The following ATF2 variants were observed in gnomAD, a reference collection of about 807,000 sequenced individuals.
ATF2 encodes cyclic AMP-dependent transcription factor ATF-2.
A neutral mutation model predicts 60.6 loss-of-function variants in ATF2; 24 were observed. That is an observed-to-expected ratio of 0.40 (90% CI 0.29 to 0.56). The LOEUF (loss-of-function observed/expected upper bound fraction) is 0.56, where lower values mean the gene tolerates loss of function less well. Among genes scored for constraint, ATF2 ranks in the 20% least tolerant of loss-of-function variants. The pLI is 0.54. For missense variants in ATF2, 433 were observed against 607.7 expected, an observed-to-expected ratio of 0.71 and a Z score of 3.02; for synonymous variants, 206 against 215.4, an observed-to-expected ratio of 0.96 and a Z score of 0.38.
At chr2:175,159,066 C>T (rs182614557) in intron 1 of ATF2, among the ~76,000 whole-genome samples, 21 of 152,100 alleles carry the variant, frequency 1.4e-4, no homozygotes, top group African/African-American at 5.1e-4. Flanking sequence ...CCCTGTAATC[C>T]CAGCACTTTG....
At chr2:175,130,961 C>T (rs1697685989) in intron 3 of ATF2, among the ~76,000 whole-genome samples, 1 of 151,990 alleles carries the variant, frequency 6.6e-6, no homozygotes, top group South Asian at 2.1e-4. Context: ...ATGCTGTTTC[C>T]TTGTAATGTA....
At chr2:175,118,417 ACT>A (rs1408619857) in intron 5 of ATF2, 48 bp from the exon 6 acceptor site, 4 of 1,454,398 alleles carry the variant, frequency 2.8e-6, no homozygotes, top group Non-Finnish European at 2.8e-6. Context: ...ATATGTTAAG[ACT>A]CTAAAATATA....
At chr2:175,130,935 G>A (rs1385157322) in intron 3 of ATF2, among the ~76,000 whole-genome samples, 2 of 152,064 alleles carry the variant, frequency 1.3e-5, no homozygotes, top group Non-Finnish European at 2.9e-5. Context: ...AAGTTTAAAA[G>A]TCTTGTCAAT....
chr2:175,128,050 CAG>C (rs1697464796), intron 4 of ATF2, among the ~76,000 whole-genome samples: 1 of 152,094 alleles, frequency 6.6e-6, no homozygotes, highest in Non-Finnish European at 1.5e-5. Context: ...TAAAAGTTGA[CAG>C]AGTGATGAAT....
chr2:175,097,272 G>A (rs189365233), intron 11 of ATF2, among the ~76,000 whole-genome samples, 172 bp downstream of exon 11: 64 of 152,240 alleles, frequency 4.2e-4, no homozygotes, highest in Non-Finnish European at 7.8e-4. Context: ...GCTCTATTAT[G>A]TTTATTTTTG....
chr2:175,167,736 G>A (rs1159514754), intron 1 of ATF2: 2 of 477,788 alleles, frequency 4.2e-6, no homozygotes, highest in Non-Finnish European at 8.7e-6. Context: ...GGAGGGAGGG[G>A]TCTAAGAGGG....
At chr2:175,158,258 A>T (rs1699808444) in intron 1 of ATF2, among the ~76,000 whole-genome samples, 1 of 139,620 alleles carries the variant, frequency 7.2e-6, no homozygotes, top group Admixed American at 7.3e-5. Flanking sequence ...TTTTTTTGAG[A>T]CAGGGTCTTG....
chr2:175,134,476 A>AGG (rs1424163797), intron 3 of ATF2, among the ~76,000 whole-genome samples: 1 of 151,938 alleles, frequency 6.6e-6, no homozygotes, highest in Non-Finnish European at 1.5e-5. Flanking sequence ...CAAACCAGTA[A>AGG]GGGCTTGACA....
chr2:175,093,413 C>A, intron 11 of ATF2, 146 bp from the exon 12 acceptor site: 1 of 785,326 alleles, frequency 1.3e-6, no homozygotes, highest in Non-Finnish European at 2.0e-6. Flanking sequence ...ATGAAAATCA[C>A]CCTGTGGTTT....
rs191720795 is a variant in ATF2, at chr2:175,138,765, A to C, written c.-43-2279T>G. Among the ~76,000 whole-genome samples, 50 of 152,314 alleles carry C rather than the reference A, an allele frequency of 3.3e-4. 2 individuals are homozygous for C. The East Asian group carries it at 9.3e-3, about 28-fold the overall frequency. ...ATAATCCAGATTGAAAATTTCTTCC[A>C]CAAGCTATGTTGTTTATGCTTTGCT... is the stretch of plus-strand genomic sequence containing the variant. On this transcript the variant is annotated intron_variant, in intron 2 of 13. Transcript: ENST00000264110.
At chr2:175,088,226 C>A (rs918635277) in intron 12 of ATF2, among the ~76,000 whole-genome samples, 3 of 152,102 alleles carry the variant, frequency 2.0e-5, no homozygotes, top group East Asian at 3.9e-4. Context: ...TACACTAATA[C>A]CCCTTTCTTT....
intron 11 of ATF2, among the ~76,000 whole-genome samples, chr2:175,093,851 T>G (rs1289378755): frequency 6.6e-6 from 1 of 152,156 alleles, no homozygotes; most frequent in Admixed American, 6.5e-5. Flanking sequence ...TTTCTAAGGG[T>G]CAAGTTCTTA....
chr2:175,085,512 CA>C (rs34679907), intron 12 of ATF2, among the ~76,000 whole-genome samples: 14,351 of 150,778 alleles, frequency 0.095, 756 homozygotes, highest in Middle Eastern at 0.17. Flanking sequence ...GAGTGAGACT[CA>C]AGTCTCAAAA....
At chr2:175,132,582 T>C (rs1269742935) in intron 3 of ATF2, 1 of 152,194 alleles carries the variant, frequency 6.6e-6, no homozygotes, top group African/African-American at 2.4e-5. Context: ...CCTTGCCAGG[T>C]ATCTAAGTTC....
At chr2:175,111,762 A>G (rs1468217281) in intron 9 of ATF2, 108 bp from the exon 10 acceptor site, 1 of 915,990 alleles carries the variant, frequency 1.1e-6, no homozygotes, top group East Asian at 2.7e-5. Context: ...GAACATTGTA[A>G]ATTTATCACC....
In ATF2 at chr2:175,114,514, CTGTT is replaced by C. The variant is rs1478068003; in HGVS notation, c.626+172_626+175del. 1.6e-5 allele frequency: 21 copies of C among 1,317,010 alleles called. No individual in the cohort carries two copies. The African/African-American group carries it at 1.6e-4, about 10-fold the overall frequency. 81.6% of individuals were successfully genotyped at this position (1,317,010 alleles called of 1,614,324 possible). A position where few individuals can be genotyped will look rare whatever the true frequency, so the allele number is the denominator to read the frequency against. ...TTTTTAGTTGTATTTATCTCCCACT[CTGTT>C]AGTTAATATTTATATTAAAGAAGAC... is the stretch of plus-strand genomic sequence containing the variant. On this transcript the variant is annotated intron_variant, in intron 8 of 13. Transcript: ENST00000264110.
intron 2 of ATF2, among the ~76,000 whole-genome samples, chr2:175,137,663 T>C (rs1453629940): frequency 6.6e-6 from 1 of 152,062 alleles, no homozygotes; most frequent in Non-Finnish European, 1.5e-5. Flanking sequence ...AGTGGAGGGA[T>C]CAATCTGATA....
chr2:175,128,586 C>T (rs1048366878), intron 4 of ATF2, among the ~76,000 whole-genome samples: 1 of 150,720 alleles, frequency 6.6e-6, no homozygotes, highest in Non-Finnish European at 1.5e-5. Flanking sequence ...CTAAATGAAA[C>T]AGTAAGTTTT....
At chr2:175,101,221 G>A (rs774786668) in intron 10 of ATF2, among the ~76,000 whole-genome samples, 14 of 152,058 alleles carry the variant, frequency 9.2e-5, no homozygotes, top group Non-Finnish European at 1.8e-4. Context: ...AATTAAATGC[G>A]GGACTAAAGT....
Sources: allele counts gnomAD v4.1 joint callset (sites outside exome capture counted in the v4.1 genomes callset), GRCh38; gene constraint gnomAD v4.1.1; transcripts MANE v1.5; gene names NCBI Gene and HGNC (gene_info 2026-07-23, HGNC 2026-07-21).